The following ANKRD30A variants were observed in gnomAD, a reference collection of about 807,000 sequenced individuals.
The protein encoded by ANKRD30A is ankyrin repeat domain 30A.
A neutral mutation model predicts 166.3 loss-of-function variants in ANKRD30A; 170 were observed. The ratio of observed to expected loss-of-function variants is 1.02; its 90% CI spans 0.90 to 1.16. ANKRD30A has a LOEUF of 1.16. ANKRD30A is among the 50% of genes most tolerant of loss of function. ANKRD30A has a pLI of 0.00. For synonymous variants in ANKRD30A, 564 were observed against 508.9 expected (o/e 1.11, Z -1.46); for missense variants, 1,630 against 1,518.0 (o/e 1.07, Z -1.23).
At chr10:37,155,087 A>C (rs1270687219) in intron 13 of ANKRD30A, among the ~76,000 whole-genome samples, 1 of 152,176 alleles carries the variant, frequency 6.6e-6, no homozygotes, top group Non-Finnish European at 1.5e-5. Flanking sequence ...GACTAATTTT[A>C]AAAACCATAA....
intron 1 of ANKRD30A, 125 bp downstream of exon 1, chr10:37,126,133 G>C: frequency 9.8e-7 from 1 of 1,025,628 alleles, no homozygotes; most frequent in Non-Finnish European, 1.5e-6. Context: ...AACGGGCAGC[G>C]GGGCAGCCAT....
In ANKRD30A at chr10:37,193,277, A is replaced by G. The variant is rs1410203738; in HGVS notation, c.2614+19A>G. On this transcript the variant is annotated intron_variant, in intron 27 of 35. Transcript: ENST00000361713. ...AAAGCAGGTAAATTTTGTAATTTTA[A>G]TTTTACTCTGGAAAGAAGAATATTA... 6.2e-7 allele frequency: 1 copy of G among 1,601,346 alleles called. No homozygotes were observed. Among genetic ancestry groups the G allele is most frequent in the Non-Finnish European group, 8.5e-7 (1 of 1,173,468 alleles).
At chr10:37,260,873 A>G in the ANKRD30A span, among the ~76,000 whole-genome samples, 1 of 152,182 alleles carries the variant, frequency 6.6e-6, no homozygotes, top group Admixed American at 6.5e-5. Flanking sequence ...TATAGATGGG[A>G]ACAATAGACA....
chr10:37,228,885 C>A (rs1175670518), intron 34 of ANKRD30A, among the ~76,000 whole-genome samples: 1 of 151,908 alleles, frequency 6.6e-6, no homozygotes, highest in East Asian at 1.9e-4. Flanking sequence ...TGTTTCCTAA[C>A]AATTGCCCAC....
At chr10:37,190,488 C>T (rs756474508) in intron 25 of ANKRD30A, among the ~76,000 whole-genome samples, 16 of 151,766 alleles carry the variant, frequency 1.1e-4, no homozygotes, top group Non-Finnish European at 2.4e-4. Context: ...GATACTACCA[C>T]TCCTCAAAGT....
intron 13 of ANKRD30A, among the ~76,000 whole-genome samples, chr10:37,154,491 G>A (rs1838212827): frequency 6.6e-6 from 1 of 152,150 alleles, no homozygotes; most frequent in South Asian, 2.1e-4. Context: ...AAAGGGTCAG[G>A]AGAGAGCAGT....
intron 34 of ANKRD30A, among the ~76,000 whole-genome samples, chr10:37,229,461 AT>A (rs750193066): frequency 9.2e-5 from 14 of 152,140 alleles, no homozygotes; most frequent in Non-Finnish European, 1.8e-4. Flanking sequence ...GATAACTAAT[AT>A]ATTCAACACC....
intron 1 of ANKRD30A, 23 bp from the exon 2 acceptor site, chr10:37,129,869 CA>C: frequency 2.1e-6 from 3 of 1,430,360 alleles, no homozygotes; most frequent in South Asian, 1.7e-5. Context: ...TAAACTTTGC[CA>C]AAAAGTCCTC....
chr10:37,228,141 A>G (rs1333288474), intron 34 of ANKRD30A, among the ~76,000 whole-genome samples: 1 of 152,054 alleles, frequency 6.6e-6, no homozygotes, highest in Admixed American at 6.6e-5. Flanking sequence ...ATTCAAAGAA[A>G]AAGTTTCAGA....
At chr10:37,217,493 G>A (rs1842662407) in intron 32 of ANKRD30A, among the ~76,000 whole-genome samples, 1 of 150,906 alleles carries the variant, frequency 6.6e-6, no homozygotes, top group Non-Finnish European at 1.5e-5. Context: ...CTAACTGGAA[G>A]ATGTTCTTTT....
intron 31 of ANKRD30A, among the ~76,000 whole-genome samples, chr10:37,213,544 T>C (rs576111911): frequency 1.2e-4 from 17 of 146,468 alleles, no homozygotes; most frequent in African/African-American, 4.2e-4. Flanking sequence ...AGTTTACTTT[T>C]TTCTTCTTCT....
downstream of ANKRD30A, chr10:37,232,654 T>TTATATATATATA (rs10559316): frequency 0.015 from 814 of 54,000 alleles, 17 homozygotes; most frequent in Middle Eastern, 0.023. Context: ...AGCATTGGTT[T>TTATATATATATA]TATATATATA....
At chr10:37,131,684 G>A (rs1383220493) in intron 3 of ANKRD30A, among the ~76,000 whole-genome samples, 4 of 152,132 alleles carry the variant, frequency 2.6e-5, no homozygotes, top group Admixed American at 2.6e-4. Context: ...ATTCTAATTT[G>A]TCAAATGTTA....
Position 37,219,880 on chromosome 10 carries a change from G to A in ANKRD30A, c.4168G>A (p.Glu1390Lys), listed in dbSNP as rs1281616559. ...AAACCGTATATATCAATATGAAAAA[G>A]AGAAAGCAGAAACAGAAGTAAGTAT... is the stretch of plus-strand genomic sequence containing the variant. ...LKNRIYQYEK[E>K]KAETENS Residue 1390 changes from glutamate to lysine, a missense_variant, in exon 34 of 36, where the codon GAG becomes AAG. This residue lies in a region of ANKRD30A where 712 missense variants were observed against 629.3 expected (regional missense o/e 1.13). Transcript: ENST00000361713. The A allele has an allele frequency of 2.6e-6, 4 of 1,513,168 alleles. No individual in the cohort carries two copies. The highest frequency in any genetic ancestry group is 3.5e-6 in the Non-Finnish European group (4 of 1,130,358). 93.7% of individuals were successfully genotyped at this position (1,513,168 alleles called of 1,614,324 possible).
At chr10:37,200,916 G>A (rs942713201) in intron 30 of ANKRD30A, among the ~76,000 whole-genome samples, 1 of 151,928 alleles carries the variant, frequency 6.6e-6, no homozygotes, top group African/African-American at 2.4e-5. Flanking sequence ...TATTGTTGTT[G>A]AGGACGACAA....
chr10:37,153,710 A>G (rs1213548408), intron 13 of ANKRD30A, 48 bp downstream of exon 13: 7 of 1,605,062 alleles, frequency 4.4e-6, no homozygotes, highest in Non-Finnish European at 6.0e-6. Flanking sequence ...ATATTTCTCT[A>G]AACTGATGAG....
rs1230786574 is a variant in ANKRD30A, at chr10:37,162,791, C to A, written c.1945C>A (p.Gln649Lys). The change falls in exon 17 of 36, where the codon CAA (glutamine) becomes AAA (lysine). Residue 649 changes from glutamine (Q) to lysine (K), a missense_variant. Gln to Lys is a moderately conservative substitution (Grantham distance 53). Coordinates refer to ENST00000361713, the MANE Select transcript of ANKRD30A (RefSeq NM_052997.3). Reference sequence around the variant, plus strand: ...CCCCATTTAGCCTGCCACTGAAATGCAAAAGTCTGTCCCAAATAAAGCCTT... The same window carrying A: ...CCCCATTTAGCCTGCCACTGAAATGAAAAAGTCTGTCCCAAATAAAGCCTT... ...PSAFEPATEMQKSVPNKALEL... is the reference protein window; with the variant it reads ...PSAFEPATEMKKSVPNKALEL... 1 of 1,613,576 alleles carries A rather than the reference C, an allele frequency of 6.2e-7. No individual in the cohort carries two copies. The highest frequency in any genetic ancestry group is 1.3e-5 in the African/African-American group (1 of 74,868).
intron 24 of ANKRD30A, chr10:37,184,372 G>A: frequency 2.1e-5 from 1 of 47,202 alleles, no homozygotes; most frequent in South Asian, 5.4e-4. Context: ...TTTTTTAGTA[G>A]AAGCATTCAA....
the ANKRD30A span, among the ~76,000 whole-genome samples, chr10:37,238,470 A>G: frequency 6.6e-6 from 1 of 152,118 alleles, no homozygotes; most frequent in African/African-American, 2.4e-5. Context: ...TATCTCTCCT[A>G]CCATTTATTT....
Sources: gnomAD v4.1 joint callset for allele counts (sites outside exome capture counted in the v4.1 genomes callset) on GRCh38, gnomAD v4.1.1 for gene constraint, gnomAD v4.1.1 regional missense constraint, MANE v1.5 for transcripts, NCBI Gene and HGNC (gene_info 2026-07-23, HGNC 2026-07-21) for gene names.